PMM1: variants seen among roughly 807,000 people sequenced by gnomAD.
PMM1 encodes brain glucose-1,6-bisphosphatase.
PMM1 carries 25 observed loss-of-function variants against 34.0 expected under a neutral mutation model. That is an observed-to-expected ratio of 0.73 (90% CI 0.54 to 1.03). PMM1 has a LOEUF of 1.03. PMM1 is among the 50% of genes least tolerant of loss of function. The pLI is 0.00. For missense variants in PMM1, 321 were observed against 350.1 expected, an observed-to-expected ratio of 0.92 and a Z score of 0.66; for synonymous variants, 134 against 143.9, an observed-to-expected ratio of 0.93 and a Z score of 0.49.
chr22:41,578,272 G>A (rs1602005865), intron 6 of PMM1, among the ~76,000 whole-genome samples: 2 of 152,208 alleles, frequency 1.3e-5, no homozygotes, highest in African/African-American at 4.8e-5. Context: ...GAGGCCAGGA[G>A]AGGTAGGGGG....
At chr22:41,582,751 T>G (rs2067260833) in intron 5 of PMM1, among the ~76,000 whole-genome samples, 1 of 151,798 alleles carries the variant, frequency 6.6e-6, no homozygotes, top group Non-Finnish European at 1.5e-5. Flanking sequence ...CTGAGAGAAG[T>G]GTGCTCTGAC....
chr22:41,578,593 T>C (rs1232715922), intron 6 of PMM1, among the ~76,000 whole-genome samples: 1 of 151,870 alleles, frequency 6.6e-6, no homozygotes, highest in Non-Finnish European at 1.5e-5. Flanking sequence ...TGGGTGGGCA[T>C]GGGGCGTTTA....
intron 5 of PMM1, among the ~76,000 whole-genome samples, chr22:41,583,365 C>G (rs1235972109): frequency 6.6e-6 from 1 of 152,114 alleles, no homozygotes; most frequent in African/African-American, 2.4e-5. Context: ...GCCTGTAATT[C>G]CAGCTACTTG....
intron 1 of PMM1, chr22:41,586,463 A>T (rs1451591177): frequency 1.0e-5 from 5 of 479,924 alleles, no homozygotes; most frequent in African/African-American, 2.0e-5. Flanking sequence ...GTCTCTATGA[A>T]AAAAAAAATT....
Position 41,578,660 on chromosome 22 carries a change from G to A in PMM1, c.550+146C>T, listed in dbSNP as rs1602006782. ...GCCAGTAAACACTGAACCCCTTTCTGCATCGGGCTCAGCCACCCTCTCTGC... is the reference window on the plus strand; with the variant it reads ...GCCAGTAAACACTGAACCCCTTTCTACATCGGGCTCAGCCACCCTCTCTGC... On this transcript the variant is annotated intron_variant, in intron 6 of 7. Coordinates refer to ENST00000216259, the MANE Select transcript of PMM1 (RefSeq NM_002676.3). The A allele has an allele frequency of 2.2e-5, 14 of 640,744 alleles. No individual in the cohort carries two copies. In the East Asian group the frequency reaches 3.6e-4, roughly 17 times the overall value. The allele number at this position is 640,744 out of a possible 1,614,324, so 39.7% of individuals were successfully genotyped here.
intron 5 of PMM1, among the ~76,000 whole-genome samples, chr22:41,581,982 T>TA (rs969870809): frequency 4.2e-4 from 59 of 141,476 alleles, no homozygotes; most frequent in African/African-American, 8.3e-4. Flanking sequence ...AGACTCTGTC[T>TA]AAAAAAAAAA....
intron 5 of PMM1, among the ~76,000 whole-genome samples, chr22:41,580,989 C>A (rs183342420): frequency 6.6e-6 from 1 of 151,908 alleles, no homozygotes; most frequent in East Asian, 1.9e-4. Context: ...GTGGCAGGCG[C>A]TTGTAGTCCC....
Position 41,586,115 on chromosome 22 carries a change from A to G in PMM1, c.166T>C (p.Tyr56His), listed in dbSNP as rs2067304747. The change falls in exon 2 of 8, where the codon TAC (tyrosine) becomes CAC (histidine). Residue 56 changes from tyrosine (Y) to histidine (H), a missense_variant. Transcript: ENST00000216259. The stretch of plus-strand genomic sequence containing the variant: ...CCCAGCTGCTCAGCGATCTTACAGT[A>G]GTCAGAGCCGCCCACCACACCGATC... Reference protein sequence around the residue: ...VQIGVVGGSDYCKIAEQLGDG... With the variant: ...VQIGVVGGSDHCKIAEQLGDG... The G allele has an allele frequency of 6.2e-7, 1 of 1,607,072 alleles. No individual in the cohort carries two copies. The highest frequency in any genetic ancestry group is 8.5e-7 in the Non-Finnish European group (1 of 1,177,364).
chr22:41,587,625 C>T (rs959652597), intron 1 of PMM1, among the ~76,000 whole-genome samples: 1 of 151,900 alleles, frequency 6.6e-6, no homozygotes, highest in Non-Finnish European at 1.5e-5. Flanking sequence ...CGGTCTCTAA[C>T]AACAACAACA....
rs554186605 is a variant in PMM1 at position 41,577,770 on chromosome 22, C to T, written c.666+38G>A. On this transcript the variant is annotated intron_variant, in intron 7 of 7. Coordinates refer to ENST00000216259, the MANE Select transcript of PMM1 (RefSeq NM_002676.3). ...CCACCAGACCTGGCTTCTCACTGTC[C>T]ACTGCGTTAGGGGAAACCTGGGGTG... 1.1e-5 allele frequency: 16 copies of T among 1,493,004 alleles called. No homozygotes were observed. In the African/African-American group the frequency reaches 1.9e-4, roughly 18 times the overall value. 92.5% of individuals were successfully genotyped at this position (1,493,004 alleles called of 1,614,324 possible).
At position 41,584,556 on chromosome 22, in the gene PMM1, A is replaced by T; in HGVS notation, c.253T>A (p.Tyr85Asn). ...YVFAENGTVQYKHGRLLSKQT... is the reference protein window; with the variant it reads ...YVFAENGTVQNKHGRLLSKQT... ...TTGGAGAGCAGTCGTCCGTGCTTAT[A>T]CTGCACCGTCCCGTTCTCGGCAAAC... Residue 85 changes from tyrosine (Y) to asparagine (N), a missense_variant, in exon 3 of 8, where the codon TAT (tyrosine) becomes AAT (asparagine). By Grantham distance (143) the Tyr-to-Asn change is moderately radical. Transcript: ENST00000216259. 6.2e-7 allele frequency: 1 copy of T among 1,613,920 alleles called. No individual in the cohort carries two copies. Among genetic ancestry groups the T allele is most frequent in the Non-Finnish European group, 8.5e-7 (1 of 1,179,882 alleles).
Position 41,584,043 on chromosome 22 carries a change from C to T in PMM1, c.390G>A (p.Glu130=), listed in dbSNP as rs1410214486. The T allele has an allele frequency of 6.2e-7, 1 of 1,613,682 alleles. No homozygotes were observed. Among genetic ancestry groups the T allele is most frequent in the East Asian group, 2.2e-5 (1 of 44,882 alleles). The change falls in exon 5 of 8, where the codon GAG becomes GAA. Residue 130 remains glutamate (E), a synonymous_variant. Coordinates refer to ENST00000216259, the MANE Select transcript of PMM1 (RefSeq NM_002676.3). ...AGATGTTCAGCATGCCATTCCGGAA[C>T]TCGATGAAGGTTCCACTGGTGGTGA... is the stretch of plus-strand genomic sequence containing the variant. ...RLPKKRGTFI[E]FRNGMLNISP...
intron 5 of PMM1, among the ~76,000 whole-genome samples, chr22:41,582,092 C>T (rs2067253058): frequency 6.7e-6 from 1 of 149,746 alleles, no homozygotes; most frequent in Non-Finnish European, 1.5e-5. Flanking sequence ...TGCAGTGAGC[C>T]GAGATTGTGC....
At chr22:41,589,450 C>A (rs980300711) in intron 1 of PMM1, 6 of 562,536 alleles carry the variant, frequency 1.1e-5, no homozygotes, top group East Asian at 6.1e-5. Context: ...GGGAGCTAGG[C>A]CCCTGCTCGC....
At chr22:41,583,217 T>C (rs1007564478) in intron 5 of PMM1, among the ~76,000 whole-genome samples, 4 of 152,134 alleles carry the variant, frequency 2.6e-5, no homozygotes, top group South Asian at 2.1e-4. Context: ...TGGTGGCTCA[T>C]GCCTGTAATC....
chr22:41,577,470 T>C (rs1022988763), intron 7 of PMM1, 30 bp from the exon 8 acceptor site: 3 of 1,596,226 alleles, frequency 1.9e-6, no homozygotes, highest in Non-Finnish European at 2.6e-6. Context: ...AGAGGAGGGA[T>C]ATTTAGGTGG....
rs2067183559 is a variant in PMM1, at chr22:41,577,238, G to A, written c.*80C>T. ...GTCCTGGGCCAGAGGAGGGGCCCTG[G>A]CATCTATCCAACACCAGGACCTCTC... On this transcript the variant is annotated 3_prime_UTR_variant, in exon 8 of 8. Transcript: ENST00000216259. The A allele has an allele frequency of 6.3e-7, 1 of 1,583,100 alleles. No homozygotes were observed. The highest frequency in any genetic ancestry group is 8.6e-7 in the Non-Finnish European group (1 of 1,159,402).
chr22:41,583,157 TG>T (rs1409333060), intron 5 of PMM1, among the ~76,000 whole-genome samples: 2 of 144,582 alleles, frequency 1.4e-5, no homozygotes, highest in African/African-American at 5.1e-5. Context: ...GGGGTGGGGC[TG>T]GGGGGTGAAT....
In PMM1 at chr22:41,584,305, G is replaced by T; in HGVS notation, c.350C>A (p.Ala117Asp). The change falls in exon 4 of 8, where the codon GCC becomes GAC. Residue 117 changes from alanine (A) to aspartate (D), a missense_variant. Coordinates refer to ENST00000216259, the MANE Select transcript of PMM1 (RefSeq NM_002676.3). ...DLINFCLSYM[A>D]LLRLPKKRGT... ...CCGCTTCTTGGGCAGCCTGAGCAGG[G>T]CCATGTAGCTGAGGCAGAAGTTGAT... 6.2e-7 allele frequency: 1 copy of T among 1,614,066 alleles called. No individual in the cohort carries two copies. Among genetic ancestry groups the T allele is most frequent in the South Asian group, 1.1e-5 (1 of 91,078 alleles).
Sources: allele counts gnomAD v4.1 joint callset (sites outside exome capture counted in the v4.1 genomes callset), GRCh38; gene constraint gnomAD v4.1.1; transcripts MANE v1.5; gene names NCBI Gene and HGNC (gene_info 2026-07-23, HGNC 2026-07-21).